Variants in KATNIP observed in about 807,000 individuals in gnomAD.
KATNIP encodes the protein katanin-interacting protein.
Under a neutral mutation model 174.0 loss-of-function variants are expected in KATNIP, and 126 were observed. The ratio of observed to expected loss-of-function variants is 0.72; its 90% CI spans 0.63 to 0.84. KATNIP has a LOEUF of 0.84. Among genes scored for constraint, KATNIP ranks in the 40% least tolerant of loss-of-function variants. The pLI is 0.00. For synonymous variants in KATNIP, 810 were observed against 835.7 expected (o/e 0.97, Z 0.53); for missense variants, 1,958 against 2,109.7 (o/e 0.93, Z 1.41).
intron 1 of KATNIP, among the ~76,000 whole-genome samples, chr16:27,566,795 C>G (rs565533526): frequency 1.3e-5 from 2 of 152,264 alleles, no homozygotes; most frequent in African/African-American, 2.4e-5. Flanking sequence ...AGCTATCACC[C>G]GGGGAAGAAG....
intron 15 of KATNIP, among the ~76,000 whole-genome samples, chr16:27,742,216 A>G (rs2081136415): frequency 6.6e-6 from 1 of 152,116 alleles, no homozygotes. Flanking sequence ...AGCAGCTAGG[A>G]GTCAAACCAT....
chr16:27,772,853 G>T (rs2082356113), intron 22 of KATNIP, among the ~76,000 whole-genome samples: 1 of 151,886 alleles, frequency 6.6e-6, no homozygotes, highest in Non-Finnish European at 1.5e-5. Flanking sequence ...ACGCACACGT[G>T]CACACATGCA....
intron 1 of KATNIP, among the ~76,000 whole-genome samples, chr16:27,553,891 C>G (rs2089497700): frequency 6.7e-6 from 1 of 149,820 alleles, no homozygotes; most frequent in Admixed American, 6.7e-5. Context: ...GAGGTTGAGG[C>G]TACAGTGAGC....
In KATNIP at chr16:27,766,526, C is replaced by T. The variant is rs1478851579; in HGVS notation, c.3975+52C>T. ...CAGTCCAGCATCAGGGAAGCAGCAC[C>T]TTGATGAATGGCTGGCGTGGCAGCC... On this transcript the variant is annotated intron_variant, in intron 20 of 27. Coordinates refer to ENST00000261588, the MANE Select transcript of KATNIP (RefSeq NM_015202.5). The T allele has an allele frequency of 2.6e-6, 4 of 1,552,960 alleles. No homozygotes were observed. In the Admixed American group the frequency reaches 5.2e-5, roughly 20 times the overall value.
At chr16:27,691,710 T>G (rs890571049) in intron 8 of KATNIP, among the ~76,000 whole-genome samples, 7 of 152,216 alleles carry the variant, frequency 4.6e-5, no homozygotes, top group Non-Finnish European at 1.0e-4. Context: ...AAGGGTGATT[T>G]AATTTTTAAA....
chr16:27,717,054 G>C (rs1210235943), intron 13 of KATNIP, among the ~76,000 whole-genome samples: 1 of 152,058 alleles, frequency 6.6e-6, no homozygotes, highest in Non-Finnish European at 1.5e-5. Flanking sequence ...ATGTTGGCCC[G>C]GCTGGTCTCG....
chr16:27,663,088 C>G (rs1476564160), intron 6 of KATNIP, among the ~76,000 whole-genome samples: 1 of 150,960 alleles, frequency 6.6e-6, no homozygotes, highest in Non-Finnish European at 1.5e-5. Flanking sequence ...TCTCCCTGAC[C>G]TCCACCACTG....
In KATNIP at chr16:27,713,854, A is replaced by ATCTATATATATATATATATATC. The variant is rs1400112435; in HGVS notation, c.1605+4935_1605+4936insCTATATATATATATATATATCT. Among the ~76,000 whole-genome samples, 3 of 69,314 alleles carry ATCTATATATATATATATATATC rather than the reference A, an allele frequency of 4.3e-5. 1 individual carries two copies. Among genetic ancestry groups the ATCTATATATATATATATATATC allele is most frequent in the African/African-American group, 1.8e-4 (3 of 16,722 alleles). 45.5% of individuals were successfully genotyped at this position (69,314 alleles called of 152,430 possible). A position where few individuals can be genotyped will look rare whatever the true frequency, so the allele number is the denominator to read the frequency against. ...TATATATATATATATATATATATAT[A>ATCTATATATATATATATATATC]TATCTATCTCAGATTGTGCCCTTCC... On this transcript the variant is annotated intron_variant, in intron 13 of 27. Coordinates refer to ENST00000261588, the MANE Select transcript of KATNIP (RefSeq NM_015202.5).
intron 24 of KATNIP, 81 bp downstream of exon 24, chr16:27,775,165 G>A (rs2082452687): frequency 8.7e-6 from 13 of 1,497,524 alleles, no homozygotes; most frequent in Middle Eastern, 1.7e-4. Context: ...TCAGTGACAC[G>A]TCTTTCTTCC....
chr16:27,684,554 A>G (rs2078456662), intron 8 of KATNIP, among the ~76,000 whole-genome samples: 1 of 152,244 alleles, frequency 6.6e-6, no homozygotes, highest in Non-Finnish European at 1.5e-5. Context: ...CATCTGGCAT[A>G]GTGCATTAGC....
intron 14 of KATNIP, among the ~76,000 whole-genome samples, chr16:27,723,617 C>G (rs927708548): frequency 6.6e-6 from 1 of 152,076 alleles, no homozygotes; most frequent in African/African-American, 2.4e-5. Flanking sequence ...AGGAGAAATA[C>G]GTGGTTGATG....
chr16:27,672,264 T>A (rs2077942882), intron 6 of KATNIP, among the ~76,000 whole-genome samples: 2 of 152,166 alleles, frequency 1.3e-5, no homozygotes, highest in African/African-American at 4.8e-5. Context: ...GTCTCTGCTG[T>A]TCCTACCCCC....
chr16:27,559,806 C>A (rs2089785062), intron 1 of KATNIP, among the ~76,000 whole-genome samples: 1 of 151,276 alleles, frequency 6.6e-6, no homozygotes, highest in Admixed American at 6.6e-5. Flanking sequence ...CATGGTGAAA[C>A]CCCGTCTCTA....
intron 8 of KATNIP, among the ~76,000 whole-genome samples, chr16:27,681,751 T>G (rs1357391091): frequency 6.6e-6 from 1 of 152,164 alleles, no homozygotes; most frequent in Admixed American, 6.5e-5. Flanking sequence ...CATGCAGTTG[T>G]GGAGGAGCGA....
chr16:27,572,661 A>G (rs2090351801), intron 1 of KATNIP, among the ~76,000 whole-genome samples: 1 of 152,112 alleles, frequency 6.6e-6, no homozygotes, highest in African/African-American at 2.4e-5. Flanking sequence ...AGGGCGTGGG[A>G]TTATGTATAA....
At chr16:27,611,446 C>G (rs1433658247) in intron 2 of KATNIP, among the ~76,000 whole-genome samples, 1 of 152,186 alleles carries the variant, frequency 6.6e-6, no homozygotes, top group African/African-American at 2.4e-5. Context: ...GGGGTAGAAT[C>G]TTGCCTGGCA....
At chr16:27,648,838 C>A in intron 6 of KATNIP, 103 bp downstream of exon 6, 1 of 1,255,328 alleles carries the variant, frequency 8.0e-7, no homozygotes. Flanking sequence ...TTATTCTGTC[C>A]TTCACTCGCC....
chr16:27,564,702 G>A (rs111331502), intron 1 of KATNIP, among the ~76,000 whole-genome samples: 34 of 152,192 alleles, frequency 2.2e-4, no homozygotes, highest in Non-Finnish European at 2.1e-4. Flanking sequence ...GGAGGCACAC[G>A]TGGGGAATGA....
intron 1 of KATNIP, 109 bp from the exon 2 acceptor site, chr16:27,573,792 G>T: frequency 3.0e-6 from 3 of 983,690 alleles, no homozygotes; most frequent in Non-Finnish European, 4.7e-6. Flanking sequence ...AAAATCATTT[G>T]ATTATGATTG....
Sources: gnomAD v4.1 joint callset for allele counts (sites outside exome capture counted in the v4.1 genomes callset) on GRCh38, gnomAD v4.1.1 for gene constraint, MANE v1.5 for transcripts, NCBI Gene and HGNC (gene_info 2026-07-23, HGNC 2026-07-21) for gene names.